ZFP91: variants seen among roughly 807,000 people sequenced by gnomAD.
ZFP91 encodes E3 ubiquitin-protein ligase ZFP91.
ZFP91 carries 7 observed loss-of-function variants against 63.5 expected under a neutral mutation model. The ratio of observed to expected loss-of-function variants is 0.11; its 90% confidence interval spans 0.06 to 0.21. ZFP91 has a LOEUF of 0.21. Among genes scored for constraint, ZFP91 ranks in the 10% least tolerant of loss-of-function variants. ZFP91 has a pLI of 1.00. For synonymous variants in ZFP91, 330 were observed against 272.1 expected (o/e 1.21, Z -2.10); for missense variants, 628 against 736.6 (o/e 0.85, Z 1.71).
intron 2 of ZFP91, among the ~76,000 whole-genome samples, chr11:58,607,694 G>C (rs1855591018): frequency 6.6e-6 from 1 of 152,058 alleles, no homozygotes; most frequent in South Asian, 2.1e-4. Flanking sequence ...TTGCTCCATA[G>C]TAAACTATTT....
intron 1 of ZFP91, among the ~76,000 whole-genome samples, chr11:58,580,375 G>C (rs191889878): frequency 6.6e-6 from 1 of 152,202 alleles, no homozygotes; most frequent in African/African-American, 2.4e-5. Context: ...AACATGAACA[G>C]GTGGCCAGGA....
At chr11:58,611,310 G>A (rs1017898467) in intron 5 of ZFP91, 1 of 481,360 alleles carries the variant, frequency 2.1e-6, no homozygotes, top group African/African-American at 2.0e-5. Context: ...AAGGTATCAT[G>A]AATTGCCTGA....
In ZFP91 at chr11:58,616,698, A is replaced by G; in HGVS notation, c.1103-18A>G. On this transcript the variant is annotated intron_variant, in intron 9 of 10. Coordinates refer to ENST00000316059, the MANE Select transcript of ZFP91 (RefSeq NM_053023.5). ...AGGGTATCTAAATAGAACACTAACCACAGTATTTTCTTCATAGATCAAAGG... is the reference window on the plus strand; with the variant it reads ...AGGGTATCTAAATAGAACACTAACCGCAGTATTTTCTTCATAGATCAAAGG... 6.2e-7 allele frequency: 1 copy of G among 1,605,506 alleles called. No individual in the cohort carries two copies. Among genetic ancestry groups the G allele is most frequent in the Non-Finnish European group, 8.5e-7 (1 of 1,172,568 alleles).
intron 3 of ZFP91, 92 bp from the exon 4 acceptor site, chr11:58,610,206 A>G (rs1411424096): frequency 6.9e-7 from 1 of 1,442,246 alleles, no homozygotes; most frequent in Non-Finnish European, 9.5e-7. Context: ...TAATTACCCC[A>G]TGCAGTAATT....
chr11:58,610,498 T>C (rs151040262), intron 4 of ZFP91, among the ~76,000 whole-genome samples, 164 bp downstream of exon 4: 2 of 152,358 alleles, frequency 1.3e-5, no homozygotes, highest in Non-Finnish European at 2.9e-5. Flanking sequence ...TGATTAGAAC[T>C]TAAACCATGT....
rs1855797434 is a variant in ZFP91, at chr11:58,618,758, G to A, written c.*1052G>A. Reference sequence around the variant, plus strand: ...GGCTTTTAAAGAAAGCTGGTCCTCAGCACTAACAAAATCACTACAATAGCC... The same window carrying A: ...GGCTTTTAAAGAAAGCTGGTCCTCAACACTAACAAAATCACTACAATAGCC... On this transcript the variant is annotated 3_prime_UTR_variant, in exon 11 of 11. Coordinates refer to ENST00000316059, the MANE Select transcript of ZFP91 (RefSeq NM_053023.5). 8.9e-6 allele frequency: 4 copies of A among 450,844 alleles called. No homozygotes were observed. Among genetic ancestry groups the A allele is most frequent in the South Asian group, 4.8e-5 (3 of 63,048 alleles). 27.9% of individuals were successfully genotyped at this position (450,844 alleles called of 1,614,324 possible).
rs1855676527 is a variant in ZFP91 at position 58,612,198 on chromosome 11, TG to T, written c.858-79del. ...GCCACTTGTTCTTTGGCCGTGTGTGTGTGTGTGTGTCTTCAGCCAGCCTTCA... is the reference window on the plus strand; with the variant it reads ...GCCACTTGTTCTTTGGCCGTGTGTGTTGTGTGTGTCTTCAGCCAGCCTTCA... On this transcript the variant is annotated intron_variant, in intron 6 of 10. Coordinates refer to ENST00000316059, the MANE Select transcript of ZFP91 (RefSeq NM_053023.5). The T allele has an allele frequency of 3.6e-6, 5 of 1,385,204 alleles. No individual in the cohort carries two copies. In the African/African-American group the frequency reaches 4.3e-5, roughly 12 times the overall value. The allele number at this position is 1,385,204 out of a possible 1,614,324, so 85.8% of individuals were successfully genotyped here.
At chr11:58,606,527 G>A (rs568986349) in intron 2 of ZFP91, among the ~76,000 whole-genome samples, 35 of 152,108 alleles carry the variant, frequency 2.3e-4, no homozygotes, top group Admixed American at 2.3e-3. Context: ...TTTAGATTCG[G>A]GGGTACATGT....
intron 1 of ZFP91, 37 bp downstream of exon 1, chr11:58,579,659 C>A (rs756183486): frequency 1.3e-6 from 2 of 1,502,272 alleles, no homozygotes; most frequent in East Asian, 2.7e-5. Flanking sequence ...GAAAGACCCC[C>A]CTCTGTCCGT....
intron 2 of ZFP91, among the ~76,000 whole-genome samples, chr11:58,599,722 A>C (rs1007496072): frequency 6.6e-6 from 1 of 152,036 alleles, no homozygotes; most frequent in Non-Finnish European, 1.5e-5. Context: ...AAGACTTTAT[A>C]TATTTTGGAT....
chr11:58,589,633 GTAGA>G (rs774250184), intron 2 of ZFP91, among the ~76,000 whole-genome samples: 1 of 152,228 alleles, frequency 6.6e-6, no homozygotes, highest in Non-Finnish European at 1.5e-5. Flanking sequence ...GCTAAATACA[GTAGA>G]TAGACATTTT....
At position 58,617,563 on chromosome 11, in the gene ZFP91, G is replaced by T; in HGVS notation, c.1570G>T (p.Glu524Ter). Residue 524 changes from glutamate to a stop codon, truncating the protein, a stop_gained, in exon 11 of 11, where the codon GAA (glutamate) becomes TAA (stop). Coordinates refer to ENST00000316059, the MANE Select transcript of ZFP91 (RefSeq NM_053023.5). LOFTEE classifies it high-confidence loss of function. This position sits in a 1 kb window ranked among gnomAD's most constrained non-coding sequence, Gnocchi z 4.2. ...GMSKSYCSGT[E>*]RVSLMADGKI... ...GTCAAAGTCATACTGCAGTGGGACG[G>T]AACGGGTGAGCCTGATGGCTGATGG... 6.2e-7 allele frequency: 1 copy of T among 1,613,182 alleles called. No individual in the cohort carries two copies. The highest frequency in any genetic ancestry group is 8.5e-7 in the Non-Finnish European group (1 of 1,179,620).
At chr11:58,616,577 T>C in intron 9 of ZFP91, 139 bp from the exon 10 acceptor site, 1 of 480,278 alleles carries the variant, frequency 2.1e-6, no homozygotes, top group East Asian at 3.5e-5. Flanking sequence ...TTAAATTTTG[T>C]TTACCCAAAG....
Position 58,617,133 on chromosome 11 carries a change from C to A in ZFP91, c.1203-63C>A. ...ATATGCTCTAAACTCTAACCCTGATCCTGAATAAGAGCACTCTTTATTTCT... is the reference window on the plus strand; with the variant it reads ...ATATGCTCTAAACTCTAACCCTGATACTGAATAAGAGCACTCTTTATTTCT... On this transcript the variant is annotated intron_variant, in intron 10 of 10. Coordinates refer to ENST00000316059, the MANE Select transcript of ZFP91 (RefSeq NM_053023.5). This position sits in a 1 kb window ranked among gnomAD's most constrained non-coding sequence, Gnocchi z 4.2. 6.8e-7 allele frequency: 1 copy of A among 1,461,260 alleles called. No homozygotes were observed. Among genetic ancestry groups the A allele is most frequent in the Non-Finnish European group, 9.2e-7 (1 of 1,092,030 alleles). 90.5% of individuals were successfully genotyped at this position (1,461,260 alleles called of 1,614,324 possible). A position where few individuals can be genotyped will look rare whatever the true frequency, so the allele number is the denominator to read the frequency against.
At chr11:58,601,887 A>T (rs1393593232) in intron 2 of ZFP91, among the ~76,000 whole-genome samples, 1 of 152,046 alleles carries the variant, frequency 6.6e-6, no homozygotes, top group African/African-American at 2.4e-5. Flanking sequence ...GACTGCAGCC[A>T]TTTGAAATTT....
chr11:58,604,955 C>T (rs1855548064), intron 2 of ZFP91, among the ~76,000 whole-genome samples: 1 of 152,194 alleles, frequency 6.6e-6, no homozygotes, highest in Non-Finnish European at 1.5e-5. Context: ...GTGTAAACTA[C>T]CGATAAGAAT....
At chr11:58,580,361 A>C (rs1352698125) in intron 1 of ZFP91, among the ~76,000 whole-genome samples, 1 of 152,256 alleles carries the variant, frequency 6.6e-6, no homozygotes, top group South Asian at 2.1e-4. Flanking sequence ...GACGTAATAG[A>C]GGAAACATGA....
rs1017829859 is a variant in ZFP91 at position 58,609,961 on chromosome 11, A to G, written c.502A>G (p.Thr168Ala). The G allele has an allele frequency of 3.1e-6, 5 of 1,614,224 alleles. No individual in the cohort carries two copies. Among genetic ancestry groups the G allele is most frequent in the Non-Finnish European group, 4.2e-6 (5 of 1,180,034 alleles). ...SVSRHRDTEN[T>A]RSSRSKTGSL... is the part of the protein sequence containing the mutation. ...TTCTCGCCATCGTGATACAGAGAAC[A>G]CCCGAAGCTCTCGGTCCAAGACCGG... is the stretch of plus-strand genomic sequence containing the variant. The change falls in exon 3 of 11, where the codon ACC (threonine) becomes GCC (alanine). Residue 168 changes from threonine to alanine, a missense_variant. Physicochemically the swap from Thr to Ala is moderately conservative, Grantham distance 58. Around this residue, in one of 3 missense-constraint regions of ZFP91, gnomAD observed 437 missense variants for 380.3 expected, o/e 1.15. Transcript: ENST00000316059.
chr11:58,612,244 AAT>A (rs748633292), intron 6 of ZFP91, 32 bp from the exon 7 acceptor site: 1 of 1,610,656 alleles, frequency 6.2e-7, no homozygotes, highest in Non-Finnish European at 8.5e-7. Flanking sequence ...TTTGATTCAG[AAT>A]ATGTCTACTG....
Sources: allele counts gnomAD v4.1 joint callset (sites outside exome capture counted in the v4.1 genomes callset), GRCh38; gene constraint gnomAD v4.1.1; regional missense constraint gnomAD v4.1.1; non-coding constraint Gnocchi (gnomAD v3.1); transcripts MANE v1.5; gene names NCBI Gene and HGNC (gene_info 2026-07-23, HGNC 2026-07-21).